The following RAPH1 variants were observed in gnomAD, a reference collection of about 807,000 sequenced individuals.
The protein encoded by RAPH1 is Ras association (RalGDS/AF-6) and pleckstrin homology domains 1.
Under a neutral mutation model 88.1 loss-of-function variants are expected in RAPH1, and 18 were observed. The observed-to-expected ratio is 0.20, with a 90% CI of 0.14 to 0.30. RAPH1 has a LOEUF of 0.30. RAPH1 is among the 10% of genes least tolerant of loss of function. The probability of loss-of-function intolerance (pLI) is 1.00; values close to 1 mark genes in which losing one functional copy is unlikely to be tolerated. For missense variants in RAPH1, 1,448 were observed against 1,543.2 expected (o/e 0.94, Z 1.03); for synonymous variants, 587 against 559.0 (o/e 1.05, Z -0.71).
At chr2:203,469,802 A>G (rs115990718) in intron 4 of RAPH1, among the ~76,000 whole-genome samples, 56 of 152,348 alleles carry the variant, frequency 3.7e-4, no homozygotes, top group African/African-American at 1.3e-3. Context: ...AATATTAACT[A>G]AGATTCTGTT....
At chr2:203,464,250 G>C (rs974674448) in intron 4 of RAPH1, among the ~76,000 whole-genome samples, 6 of 152,176 alleles carry the variant, frequency 3.9e-5, no homozygotes, top group African/African-American at 1.4e-4. Flanking sequence ...TCAATGTTTT[G>C]TATATTTGGA....
intron 4 of RAPH1, among the ~76,000 whole-genome samples, chr2:203,477,309 T>A (rs1198331401): frequency 6.6e-6 from 1 of 152,198 alleles, no homozygotes; most frequent in Non-Finnish European, 1.5e-5. Flanking sequence ...TTACCTTTCA[T>A]TCTCTTATAC....
rs1162400400 is a variant in RAPH1, at chr2:203,445,023, GTTT to G, written c.1634-16_1634-14del. The G allele has an allele frequency of 6.2e-7, 1 of 1,608,154 alleles. No individual in the cohort carries two copies. Among genetic ancestry groups the G allele is most frequent in the South Asian group, 1.1e-5 (1 of 89,600 alleles). On this transcript the variant is annotated splice_polypyrimidine_tract_variant and intron_variant, in intron 12 of 13. Transcript: ENST00000319170. ...TTTGACTGAGACTCTGTTTAAAATAGTTTTTTAAACATAGGTTTAAAAGAGTCA... is the reference window on the plus strand; with the variant it reads ...TTTGACTGAGACTCTGTTTAAAATAGTTTAAACATAGGTTTAAAAGAGTCA...
rs550899221 is a variant in RAPH1, at chr2:203,519,626, T to C, written c.-1+15485A>G. On this transcript the variant is annotated intron_variant, in intron 1 of 13. Coordinates refer to ENST00000319170, the MANE Select transcript of RAPH1 (RefSeq NM_213589.3). The stretch of plus-strand genomic sequence containing the variant: ...CCACTCTGACCACTCTTTTTCAATA[T>C]CATACTGGAAATAACAAGATAATAA... 3.2e-4 allele frequency among the ~76,000 whole-genome samples: 49 copies of C among 152,220 alleles called. No homozygotes were observed. The South Asian group carries it at 3.3e-3, about 10-fold the overall frequency.
At chr2:203,462,834 G>A (rs1408235087) in intron 4 of RAPH1, among the ~76,000 whole-genome samples, 1 of 152,032 alleles carries the variant, frequency 6.6e-6, no homozygotes. Context: ...ACTTGTATAA[G>A]TAAACTTTTG....
chr2:203,442,048 GGTAAAGGGGGGA>G, intron 13 of RAPH1: 3 of 1,590,448 alleles, frequency 1.9e-6, no homozygotes, highest in Non-Finnish European at 2.6e-6. Flanking sequence ...CAGCAATGCA[GGTAAAGGGGGGA>G]CATTCTTTAC....
At chr2:203,531,337 T>C (rs1365287155) in intron 1 of RAPH1, among the ~76,000 whole-genome samples, 1 of 152,024 alleles carries the variant, frequency 6.6e-6, no homozygotes, top group Non-Finnish European at 1.5e-5. Context: ...CAAACAAACA[T>C]GGCACACGTA....
In RAPH1 at chr2:203,489,867, C is replaced by T. The variant is rs376138650; in HGVS notation, c.449G>A (p.Ser150Asn). The change falls in exon 4 of 14, where the codon AGC (serine) becomes AAC (asparagine). Residue 150 changes from serine (S) to asparagine (N), a missense_variant. Physicochemically the swap from Ser to Asn is conservative, Grantham distance 46. Transcript: ENST00000319170. Reference protein sequence around the residue: ...SNRIAKPSHASYSLDDVTAQL... With the variant: ...SNRIAKPSHANYSLDDVTAQL... ...TGCAGTGACGTCGTCCAAGGAGTAG[C>T]TGGCATGGGAAGGTTTAGCTATCCT... 1 of 1,614,102 alleles carries T rather than the reference C, an allele frequency of 6.2e-7. No homozygotes were observed. The highest frequency in any genetic ancestry group is 1.7e-5 in the Admixed American group (1 of 60,002).
chr2:203,528,900 A>G (rs1288637462), intron 1 of RAPH1, among the ~76,000 whole-genome samples: 1 of 150,008 alleles, frequency 6.7e-6, no homozygotes, highest in African/African-American at 2.4e-5. Flanking sequence ...GGAAAATTAG[A>G]ACAAATTATA....
rs1235573429 is a variant in RAPH1, at chr2:203,454,602, G to C, written c.1303-62C>G. ...AATGCACAAACAAGCAAATATACCT[G>C]GTTAACATTTTCTAGGTGAGAATCA... On this transcript the variant is annotated intron_variant, in intron 9 of 13. Transcript: ENST00000319170. 4.1e-6 allele frequency: 5 copies of C among 1,207,518 alleles called. No homozygotes were observed. In the Admixed American group the frequency reaches 1.0e-4, roughly 25 times the overall value. The allele number at this position is 1,207,518 out of a possible 1,614,324, so 74.8% of individuals were successfully genotyped here. A position where few individuals can be genotyped will look rare whatever the true frequency, so the allele number is the denominator to read the frequency against.
chr2:203,512,607 T>C (rs960624014), intron 1 of RAPH1, among the ~76,000 whole-genome samples: 1 of 148,238 alleles, frequency 6.7e-6, no homozygotes, highest in African/African-American at 2.5e-5. Flanking sequence ...CAACATATGC[T>C]AAACATCCCT....
chr2:203,453,797 T>C (rs1451245076), intron 10 of RAPH1, among the ~76,000 whole-genome samples: 4 of 152,152 alleles, frequency 2.6e-5, no homozygotes, highest in Admixed American at 2.0e-4. Flanking sequence ...TCTTGAATTT[T>C]TGTATGTCGT....
intron 4 of RAPH1, among the ~76,000 whole-genome samples, chr2:203,475,449 A>G (rs1687374378): frequency 6.6e-6 from 1 of 152,150 alleles, no homozygotes; most frequent in African/African-American, 2.4e-5. Flanking sequence ...AAAAATCTAC[A>G]CTGTAAAAAA....
intron 1 of RAPH1, among the ~76,000 whole-genome samples, chr2:203,531,637 C>A (rs1462965801): frequency 6.6e-6 from 1 of 152,158 alleles, no homozygotes; most frequent in Non-Finnish European, 1.5e-5. Context: ...TGCTCAACAT[C>A]CCTAATCATT....
intron 1 of RAPH1, among the ~76,000 whole-genome samples, chr2:203,527,223 TAC>T (rs760605966): frequency 6.6e-6 from 1 of 152,186 alleles, no homozygotes; most frequent in Non-Finnish European, 1.5e-5. Flanking sequence ...CTTATCTTAA[TAC>T]ACACATGTAT....
At chr2:203,451,793 A>T (rs1413108902) in intron 10 of RAPH1, among the ~76,000 whole-genome samples, 1 of 152,170 alleles carries the variant, frequency 6.6e-6, no homozygotes, top group East Asian at 1.9e-4. Context: ...TATATCCCAC[A>T]GGGTGTGAAT....
chr2:203,527,277 G>A (rs1690163576), intron 1 of RAPH1, among the ~76,000 whole-genome samples: 1 of 151,904 alleles, frequency 6.6e-6, no homozygotes, highest in East Asian at 1.9e-4. Flanking sequence ...ACAGACACTG[G>A]CGTCTTCACC....
At chr2:203,526,940 C>T (rs1690149594) in intron 1 of RAPH1, among the ~76,000 whole-genome samples, 1 of 151,896 alleles carries the variant, frequency 6.6e-6, no homozygotes, top group Admixed American at 6.6e-5. Context: ...CATGCCACCA[C>T]ACCCAGCTAA....
In RAPH1 at chr2:203,436,477, A is replaced by AT. The variant is rs1400318384; in HGVS notation, c.*2959dup. 1 of 152,236 alleles carries AT rather than the reference A, an allele frequency of 6.6e-6. No homozygotes were observed. The highest frequency in any genetic ancestry group is 1.5e-5 in the Non-Finnish European group (1 of 68,036). The allele number at this position is 152,236 out of a possible 1,614,324, so 9.4% of individuals were successfully genotyped here. On this transcript the variant is annotated 3_prime_UTR_variant, in exon 14 of 14. Coordinates refer to ENST00000319170, the MANE Select transcript of RAPH1 (RefSeq NM_213589.3). Reference sequence around the variant, plus strand: ...CAGAATATCTAATAAACCATAAGTTATTTTACTGAGAATAGATTCTGCTGC... The same window carrying AT: ...CAGAATATCTAATAAACCATAAGTTATTTTTACTGAGAATAGATTCTGCTGC...
Sources: gnomAD v4.1 joint callset for allele counts (sites outside exome capture counted in the v4.1 genomes callset) on GRCh38, gnomAD v4.1.1 for gene constraint, MANE v1.5 for transcripts, NCBI Gene and HGNC (gene_info 2026-07-23, HGNC 2026-07-21) for gene names.